The following SPX variants were observed in gnomAD, a reference collection of about 807,000 sequenced individuals.
SPX encodes the protein spexin.
Under a neutral mutation model 19.2 loss-of-function variants are expected in SPX, and 22 were observed. The ratio of observed to expected loss-of-function variants is 1.15; its 90% CI spans 0.82 to 1.64. The LOEUF (loss-of-function observed/expected upper bound fraction) is 1.64, where lower values mean the gene tolerates loss of function less well. SPX is among the 40% of genes most tolerant of loss of function. The pLI, the probability that SPX is intolerant of heterozygous loss-of-function variation, is 0.00. For missense variants in SPX, 143 were observed against 137.7 expected, an observed-to-expected ratio of 1.04 and a Z score of -0.19; for synonymous variants, 50 against 53.3, an observed-to-expected ratio of 0.94 and a Z score of 0.27.
chr12:21,527,023 CTCTT>C (rs1555151442), intron 2 of SPX, 57 bp downstream of exon 2: 34 of 1,582,810 alleles, frequency 2.1e-5, no homozygotes, highest in Admixed American at 8.4e-5. Flanking sequence ...GTCCACTCTG[CTCTT>C]TCTTTCTTCC....
chr12:21,531,319 C>T lies in SPX; in HGVS notation c.*124C>T, dbSNP rs1261675356. 1.1e-5 allele frequency: 7 copies of T among 662,138 alleles called. No individual in the cohort carries two copies. Among genetic ancestry groups the T allele is most frequent in the African/African-American group, 1.9e-5 (1 of 53,120 alleles). 41.0% of individuals were successfully genotyped at this position (662,138 alleles called of 1,614,324 possible). ...AAGAACACACACAGATAGTTTTATTCTTTCAGAAACAAAATATATATAGGA... is the reference window on the plus strand; with the variant it reads ...AAGAACACACACAGATAGTTTTATTTTTTCAGAAACAAAATATATATAGGA... On this transcript the variant is annotated 3_prime_UTR_variant, in exon 6 of 6. Coordinates refer to ENST00000256969, the MANE Select transcript of SPX (RefSeq NM_030572.4).
chr12:21,528,848 T>G (rs1943838363), intron 4 of SPX, among the ~76,000 whole-genome samples, 153 bp from the exon 5 acceptor site: 1 of 152,216 alleles, frequency 6.6e-6, no homozygotes, highest in African/African-American at 2.4e-5. Flanking sequence ...TGTGACATGT[T>G]AAAAAATTAG....
chr12:21,527,887 C>A, intron 4 of SPX, 98 bp downstream of exon 4: 1 of 1,387,592 alleles, frequency 7.2e-7, no homozygotes, highest in South Asian at 1.3e-5. Context: ...GAAAGCGTCT[C>A]CTCACCGGAA....
In SPX at chr12:21,529,049, C is replaced by T. The variant is rs1156282484; in HGVS notation, c.257C>T (p.Thr86Ile). Residue 86 changes from threonine to isoleucine, a missense_variant, in exon 5 of 6, where the codon ACC (threonine) becomes ATC (isoleucine). Physicochemically the swap from Thr to Ile is moderately conservative, Grantham distance 89 (BLOSUM62 -1). Transcript: ENST00000256969. ...PQLLTIPEAA[T>I]ILLASLQKSP... is the part of the protein sequence containing the mutation. ...CTACTAACTATTCCGGAGGCAGCAA[C>T]CATCTTACTGGCGTCCCTTCAGAAA... 6.2e-7 allele frequency: 1 copy of T among 1,614,142 alleles called. No individual in the cohort carries two copies.
At chr12:21,530,642 GC>G (rs961801718) in intron 5 of SPX, among the ~76,000 whole-genome samples, 2 of 152,054 alleles carry the variant, frequency 1.3e-5, no homozygotes, top group African/African-American at 4.8e-5. Context: ...CGCGATCCCA[GC>G]CAGCAAACGA....
At chr12:21,527,575 G>A (rs1943826149) in intron 3 of SPX, 152 bp from the exon 4 acceptor site, 1 of 746,100 alleles carries the variant, frequency 1.3e-6, no homozygotes, top group Non-Finnish European at 2.2e-6. Flanking sequence ...CGCTGGGAGC[G>A]CTGGAAACTC....
chr12:21,531,300 A>G lies in SPX; in HGVS notation c.*105A>G. Reference sequence around the variant, plus strand: ...TTATTCCATTTGTAATCTTAAGAACACACACAGATAGTTTTATTCTTTCAG... The same window carrying G: ...TTATTCCATTTGTAATCTTAAGAACGCACACAGATAGTTTTATTCTTTCAG... On this transcript the variant is annotated 3_prime_UTR_variant, in exon 6 of 6. Coordinates refer to ENST00000256969, the MANE Select transcript of SPX (RefSeq NM_030572.4). 1.3e-6 allele frequency: 1 copy of G among 772,212 alleles called. No individual in the cohort carries two copies. Among genetic ancestry groups the G allele is most frequent in the Non-Finnish European group, 2.0e-6 (1 of 496,642 alleles). The allele number at this position is 772,212 out of a possible 1,614,324, so 47.8% of individuals were successfully genotyped here.
At chr12:21,527,366 A>G (rs1266085295) in intron 3 of SPX, 174 bp downstream of exon 3, 2 of 645,042 alleles carry the variant, frequency 3.1e-6, no homozygotes, top group Non-Finnish European at 5.4e-6. Context: ...AGAGTCCCTG[A>G]TTATTGGAAA....
chr12:21,528,339 T>A (rs1425433390), intron 4 of SPX, among the ~76,000 whole-genome samples: 2 of 152,212 alleles, frequency 1.3e-5, no homozygotes, highest in Non-Finnish European at 2.9e-5. Context: ...AAGAGTAACA[T>A]GCGGGCAGTT....
At position 21,532,299 on chromosome 12, in the gene SPX, T is replaced by C. The variant is rs1224133925; in HGVS notation, c.*1104T>C. ...CATAAGTGGAAAGTATTAATTCTTA[T>C]TGTCATCAGTATTTAGCCATTATTT... On this transcript the variant is annotated 3_prime_UTR_variant, in exon 6 of 6. Coordinates refer to ENST00000256969, the MANE Select transcript of SPX (RefSeq NM_030572.4). 11 of 152,244 alleles carry C rather than the reference T, an allele frequency of 7.2e-5. No individual in the cohort carries two copies. The highest frequency in any genetic ancestry group is 6.5e-4 in the Admixed American group (10 of 15,286). 9.4% of individuals were successfully genotyped at this position (152,244 alleles called of 1,614,324 possible). A position where few individuals can be genotyped will look rare whatever the true frequency, so the allele number is the denominator to read the frequency against.
chr12:21,527,059 T>C (rs1200016207), intron 2 of SPX, 76 bp from the exon 3 acceptor site: 1 of 1,584,690 alleles, frequency 6.3e-7, no homozygotes. Context: ...TTCTCTTCTT[T>C]TTCCTTTATT....
In SPX at chr12:21,527,133, A is replaced by C. The variant is rs201706867; in HGVS notation, c.88-2A>C. 8.7e-5 allele frequency: 140 copies of C among 1,612,642 alleles called. No individual in the cohort carries two copies. The highest frequency in any genetic ancestry group is 1.1e-4 in the Non-Finnish European group (127 of 1,178,864). ...CTGCTCTTCCCTTCCCCCGGGCTAT[A>C]GAGACTGTTGGAGAGAAGGAACTGG... On this transcript the variant is annotated splice_acceptor_variant, in intron 2 of 5. Transcript: ENST00000256969. LOFTEE classifies it high-confidence loss of function.
rs1237797640 is a variant in SPX, at chr12:21,531,176, A to G, written c.332A>G (p.Asp111Gly). ...TTTGATCAAACCAGATTCCTGGAAG[A>G]CAGTCTGCTTAACTGGTGAAAATAT... Reference protein sequence around the residue: ...KNFDQTRFLEDSLLNW With the variant: ...KNFDQTRFLEGSLLNW The change falls in exon 6 of 6, where the codon GAC (aspartate) becomes GGC (glycine). Residue 111 changes from aspartate (D) to glycine (G), a missense_variant. Asp to Gly is a moderately conservative substitution (Grantham distance 94, BLOSUM62 -1). Transcript: ENST00000256969. 1.8e-5 allele frequency: 28 copies of G among 1,595,742 alleles called. No individual in the cohort carries two copies. The highest frequency in any genetic ancestry group is 2.4e-5 in the Non-Finnish European group (28 of 1,169,632).
chr12:21,527,927 A>G, intron 4 of SPX, 138 bp downstream of exon 4: 5 of 931,998 alleles, frequency 5.4e-6, no homozygotes, highest in Non-Finnish European at 7.8e-6. Context: ...CCTCAGATAC[A>G]GTCCGCCCGA....
intron 1 of SPX, 63 bp from the exon 2 acceptor site, chr12:21,526,823 G>A: frequency 4.1e-6 from 6 of 1,472,878 alleles, no homozygotes; most frequent in Non-Finnish European, 4.7e-6. Flanking sequence ...CAGGCGTCAA[G>A]GAAGGAAGCA....
At chr12:21,527,284 G>T in intron 3 of SPX, 92 bp downstream of exon 3, 2 of 1,312,828 alleles carry the variant, frequency 1.5e-6, no homozygotes, top group African/African-American at 1.5e-5. Context: ...AGAGAATAAT[G>T]TCGAGTTTAT....
chr12:21,527,283 T>C (rs1943823250), intron 3 of SPX, 91 bp downstream of exon 3: 1 of 1,318,096 alleles, frequency 7.6e-7, no homozygotes, highest in East Asian at 2.3e-5. Flanking sequence ...GAGAGAATAA[T>C]GTCGAGTTTA....
intron 1 of SPX, 118 bp downstream of exon 1, chr12:21,526,596 C>T (rs1213919817): frequency 2.3e-5 from 23 of 980,916 alleles, no homozygotes; most frequent in Admixed American, 1.3e-4. Flanking sequence ...TTGAACGATA[C>T]GCCTTTAGAA....
intron 3 of SPX, chr12:21,527,407 A>G: frequency 1.6e-6 from 1 of 610,528 alleles, no homozygotes; most frequent in Non-Finnish European, 2.9e-6. Context: ...TTCTCCATCC[A>G]AAACTGGAGG....
Sources: gnomAD v4.1 joint callset for allele counts (sites outside exome capture counted in the v4.1 genomes callset) on GRCh38, gnomAD v4.1.1 for gene constraint, MANE v1.5 for transcripts, NCBI Gene and HGNC (gene_info 2026-07-23, HGNC 2026-07-21) for gene names.